The following EGFR variants were observed in gnomAD, a reference collection of about 807,000 sequenced individuals.
EGFR encodes avian erythroblastic leukemia viral (v-erb-b) oncogene homolog.
A neutral mutation model predicts 143.0 loss-of-function variants in EGFR; 58 were observed. That is an observed-to-expected ratio of 0.41 (90% CI 0.33 to 0.50). The LOEUF is 0.50. EGFR is among the 20% of genes least tolerant of loss of function. EGFR has a pLI of 0.39. For synonymous variants in EGFR, 613 were observed against 594.4 expected (o/e 1.03, Z -0.45); for missense variants, 1,307 against 1,579.0 (o/e 0.83, Z 2.92).
chr7:55,155,960 C>G lies in EGFR; in HGVS notation c.1006+14C>G, dbSNP rs1237706679. On this transcript the variant is annotated intron_variant, in intron 8 of 27. Transcript: ENST00000275493. ...CTTGCCGCAAAGGTAGGAAGCCCGC[C>G]GGTGTGCGGACGAGGCTTGTTCTCG... The G allele has an allele frequency of 1.1e-5, 18 of 1,598,990 alleles. No homozygotes were observed. Among genetic ancestry groups the G allele is most frequent in the Non-Finnish European group, 1.5e-5 (18 of 1,168,064 alleles).
chr7:55,192,648 C>T lies in EGFR; in HGVS notation c.2626-118C>T, dbSNP rs17290587. ...AGGCGCCGGGCCTGGGGGACGGGTC[C>T]TGGGGTGATCTGGCTCGTCTGTGTG... On this transcript the variant is annotated intron_variant, in intron 21 of 27. Transcript: ENST00000275493. The T allele has an allele frequency of 1.6e-5, 15 of 920,706 alleles. No homozygotes were observed. The East Asian group carries it at 3.7e-4, about 23-fold the overall frequency. 57.0% of individuals were successfully genotyped at this position (920,706 alleles called of 1,614,324 possible).
intron 1 of EGFR, among the ~76,000 whole-genome samples, chr7:55,022,994 A>G (rs1786662632): frequency 6.6e-6 from 1 of 152,270 alleles, no homozygotes. Flanking sequence ...ACTAGCAGCT[A>G]GCATCTGAAA....
chr7:55,169,542 T>C (rs1786242776), intron 15 of EGFR, among the ~76,000 whole-genome samples: 1 of 152,226 alleles, frequency 6.6e-6, no homozygotes, highest in East Asian at 1.9e-4. Flanking sequence ...ACTGCTATAA[T>C]TGCAAATATG....
At chr7:55,170,702 A>G in intron 15 of EGFR, 7 of 1,550,590 alleles carry the variant, frequency 4.5e-6, no homozygotes, top group Non-Finnish European at 5.2e-6. Flanking sequence ...CACCCCCAGG[A>G]CTGACCTCTT....
chr7:55,164,930 T>C (rs543632145), intron 14 of EGFR, among the ~76,000 whole-genome samples: 1 of 152,214 alleles, frequency 6.6e-6, no homozygotes, highest in Admixed American at 6.5e-5. Context: ...AACTATAATA[T>C]GCAAGAAAGA....
At chr7:55,174,891 A>T (rs547063421) in intron 19 of EGFR, 71 bp downstream of exon 19, 1 of 1,222,062 alleles carries the variant, frequency 8.2e-7, no homozygotes, top group Non-Finnish European at 1.2e-6. Context: ...CATGTCTGGC[A>T]GCTGCTCTGC....
intron 1 of EGFR, among the ~76,000 whole-genome samples, chr7:55,037,907 G>T (rs1787687138): frequency 6.6e-6 from 1 of 151,610 alleles, no homozygotes; most frequent in South Asian, 2.1e-4. Context: ...TTGGCTACAT[G>T]CTGGGAAGAG....
intron 1 of EGFR, among the ~76,000 whole-genome samples, chr7:55,052,841 C>T (rs556759090): frequency 5.3e-5 from 8 of 152,224 alleles, no homozygotes; most frequent in Middle Eastern, 3.4e-3. Flanking sequence ...GTGAAGGAGC[C>T]GTTCTGAAAA....
At chr7:55,200,228 G>T (rs879675797) in intron 23 of EGFR, 88 bp from the exon 24 acceptor site, 1 of 1,231,506 alleles carries the variant, frequency 8.1e-7, no homozygotes, top group South Asian at 1.2e-5. Flanking sequence ...TGGAAGTGTC[G>T]CATCACCAAT....
chr7:55,133,795 G>A (rs982403196), intron 1 of EGFR, among the ~76,000 whole-genome samples: 1 of 152,194 alleles, frequency 6.6e-6, no homozygotes, highest in South Asian at 2.1e-4. Flanking sequence ...GAGCCACACG[G>A]CCCTGAAGCA....
chr7:55,029,688 G>C (rs961371882), intron 1 of EGFR, among the ~76,000 whole-genome samples: 9 of 152,156 alleles, frequency 5.9e-5, no homozygotes, highest in African/African-American at 2.2e-4. Context: ...TGTTAAGGGA[G>C]TTTTTCTTAG....
intron 1 of EGFR, among the ~76,000 whole-genome samples, chr7:55,054,691 C>A (rs1788688170): frequency 6.6e-6 from 1 of 152,218 alleles, no homozygotes; most frequent in Non-Finnish European, 1.5e-5. Context: ...ATGTGTGAAA[C>A]CTGCCGGGAA....
intron 20 of EGFR, among the ~76,000 whole-genome samples, chr7:55,190,716 C>G (rs1006169715): frequency 6.6e-5 from 10 of 152,072 alleles, no homozygotes; most frequent in African/African-American, 2.4e-4. Flanking sequence ...TGAACATCAG[C>G]CATAAAGGGA....
intron 10 of EGFR, 51 bp downstream of exon 10, chr7:55,156,883 G>A (rs767353126): frequency 6.2e-6 from 10 of 1,613,064 alleles, no homozygotes; most frequent in Middle Eastern, 1.6e-4. Context: ...GTGTTTTAGA[G>A]AGAGAACTTT....
At chr7:55,160,604 G>C (rs1297498521) in intron 12 of EGFR, among the ~76,000 whole-genome samples, 2 of 152,224 alleles carry the variant, frequency 1.3e-5, no homozygotes, top group East Asian at 3.8e-4. Context: ...TTTAGTATTA[G>C]TTATATTACC....
At position 55,127,585 on chromosome 7, in the gene EGFR, C is replaced by G. The variant is rs1457710700; in HGVS notation, c.89-14701C>G. Among the ~76,000 whole-genome samples, 3 of 151,726 alleles carry G rather than the reference C, an allele frequency of 2.0e-5. No homozygotes were observed. In the East Asian group the frequency reaches 5.8e-4, roughly 29 times the overall value. Reference sequence around the variant, plus strand: ...TTCTCGGCTTCAAGGAAAAATAATACGCTTTGAATGGCTGTTCAACAGCAT... The same window carrying G: ...TTCTCGGCTTCAAGGAAAAATAATAGGCTTTGAATGGCTGTTCAACAGCAT... On this transcript the variant is annotated intron_variant, in intron 1 of 27. Transcript: ENST00000275493.
At chr7:55,071,159 A>G (rs1789800820) in intron 1 of EGFR, among the ~76,000 whole-genome samples, 2 of 152,360 alleles carry the variant, frequency 1.3e-5, no homozygotes, top group South Asian at 4.1e-4. Context: ...AGGAAGAAGT[A>G]GAAAGGAATT....
At chr7:55,081,390 C>T (rs572846471) in intron 1 of EGFR, among the ~76,000 whole-genome samples, 2 of 152,302 alleles carry the variant, frequency 1.3e-5, no homozygotes, top group South Asian at 2.1e-4. Context: ...ACTGCTGCCA[C>T]GAAGGAGTCT....
chr7:55,184,318 A>G (rs1787034362), intron 20 of EGFR, among the ~76,000 whole-genome samples: 2 of 152,094 alleles, frequency 1.3e-5, no homozygotes, highest in African/African-American at 4.8e-5. Context: ...CCTAATCTAC[A>G]TCTGTGCCAA....
Sources: allele counts gnomAD v4.1 joint callset (sites outside exome capture counted in the v4.1 genomes callset), GRCh38; gene constraint gnomAD v4.1.1; transcripts MANE v1.5; gene names NCBI Gene and HGNC (gene_info 2026-07-23, HGNC 2026-07-21).